SNX29: variants seen among roughly 807,000 people sequenced by gnomAD.
The protein encoded by SNX29 is sorting nexin-29.
In SNX29, 78 loss-of-function variants were observed where a neutral mutation model predicts 102.1. The ratio of observed to expected loss-of-function variants is 0.76; its 90% CI spans 0.64 to 0.92. The LOEUF is 0.92. Ranked by LOEUF, SNX29 falls within the 40% of genes least tolerant of loss-of-function variation. The pLI is 0.00. For missense variants in SNX29, 1,280 were observed against 1,061.7 expected (o/e 1.21, Z -2.86); for synonymous variants, 580 against 414.5 (o/e 1.40, Z -4.85).
intron 15 of SNX29, among the ~76,000 whole-genome samples, chr16:12,332,814 C>T (rs548554812): frequency 2.6e-5 from 4 of 152,112 alleles, no homozygotes; most frequent in East Asian, 1.9e-4. Flanking sequence ...CCTGTCTGCT[C>T]CTCTTTCATT....
At chr16:12,522,441 T>G (rs2090136911) in intron 19 of SNX29, among the ~76,000 whole-genome samples, 1 of 152,156 alleles carries the variant, frequency 6.6e-6, no homozygotes, top group Non-Finnish European at 1.5e-5. Context: ...TTGTTTTTAT[T>G]TTTTAGAGGC....
intron 14 of SNX29, among the ~76,000 whole-genome samples, chr16:12,202,999 G>C (rs1294503739): frequency 6.6e-6 from 1 of 152,210 alleles, no homozygotes; most frequent in Non-Finnish European, 1.5e-5. Context: ...AGGTGGACTG[G>C]TGGCATTGGA....
intron 15 of SNX29, among the ~76,000 whole-genome samples, chr16:12,280,120 G>A (rs987792987): frequency 1.3e-5 from 2 of 152,140 alleles, no homozygotes; most frequent in Admixed American, 6.5e-5. Flanking sequence ...TTCGTGGGCC[G>A]GGTGGTTGGA....
chr16:12,300,846 A>C (rs1319019032), intron 15 of SNX29, among the ~76,000 whole-genome samples: 1 of 152,090 alleles, frequency 6.6e-6, no homozygotes, highest in African/African-American at 2.4e-5. Context: ...CACTAGCCTT[A>C]CCTACTAGAT....
At chr16:12,065,713 T>G (rs2051002920) in intron 9 of SNX29, among the ~76,000 whole-genome samples, 1 of 152,148 alleles carries the variant, frequency 6.6e-6, no homozygotes, top group Non-Finnish European at 1.5e-5. Context: ...GCCCTGGTTG[T>G]GCTTCCCAGT....
intron 17 of SNX29, among the ~76,000 whole-genome samples, chr16:12,400,571 C>T (rs997511715): frequency 3.3e-5 from 5 of 152,194 alleles, no homozygotes; most frequent in Non-Finnish European, 7.3e-5. Flanking sequence ...AAAGCCTGGC[C>T]GAAACATTGC....
chr16:12,567,989 G>A (rs550862957), intron 20 of SNX29, among the ~76,000 whole-genome samples: 119 of 152,192 alleles, frequency 7.8e-4, no homozygotes, highest in African/African-American at 2.7e-3. Context: ...CACTGTTCCT[G>A]GCTCTTAAAC....
At chr16:12,379,966 C>G (rs185665994) in intron 16 of SNX29, among the ~76,000 whole-genome samples, 1 of 152,186 alleles carries the variant, frequency 6.6e-6, no homozygotes, top group Admixed American at 6.5e-5. Context: ...TGCTAGGCTT[C>G]AGTATTGAAT....
intron 20 of SNX29, among the ~76,000 whole-genome samples, chr16:12,540,865 C>T (rs1449290528): frequency 6.6e-6 from 1 of 152,174 alleles, no homozygotes; most frequent in African/African-American, 2.4e-5. Context: ...AGCAGGAGTG[C>T]CCTTTTCCAC....
chr16:12,016,709 G>C (rs903588982), intron 3 of SNX29, among the ~76,000 whole-genome samples: 1 of 152,130 alleles, frequency 6.6e-6, no homozygotes, highest in African/African-American at 2.4e-5. Context: ...TTGGCCATCT[G>C]CATATCCCTT....
At chr16:12,342,947 A>G (rs907785799) in intron 15 of SNX29, among the ~76,000 whole-genome samples, 1 of 152,200 alleles carries the variant, frequency 6.6e-6, no homozygotes, top group African/African-American at 2.4e-5. Context: ...TACCTGAAGG[A>G]GGCTCTTGGC....
At chr16:12,051,491 C>T (rs918244482) in intron 7 of SNX29, among the ~76,000 whole-genome samples, 1 of 152,198 alleles carries the variant, frequency 6.6e-6, no homozygotes, top group African/African-American at 2.4e-5. Flanking sequence ...GACTACACCC[C>T]CCAGCTGGTT....
chr16:12,170,471 G>T (rs182833984), intron 13 of SNX29, among the ~76,000 whole-genome samples: 3 of 151,920 alleles, frequency 2.0e-5, no homozygotes, highest in Non-Finnish European at 4.4e-5. Flanking sequence ...TGGGGGAGGC[G>T]TGTGGATGGG....
At chr16:12,562,717 G>A (rs936331709) in intron 20 of SNX29, among the ~76,000 whole-genome samples, 1 of 152,160 alleles carries the variant, frequency 6.6e-6, no homozygotes, top group African/African-American at 2.4e-5. Flanking sequence ...AGCCTACCGT[G>A]GTACTGTTTC....
chr16:12,537,481 T>C (rs1481338427), intron 20 of SNX29, among the ~76,000 whole-genome samples: 2 of 117,642 alleles, frequency 1.7e-5, no homozygotes, highest in Non-Finnish European at 4.2e-5. Flanking sequence ...TCTATAAAAT[T>C]GGTGATAGTG....
intron 16 of SNX29, 105 bp from the exon 17 acceptor site, chr16:12,398,341 G>C (rs1428125206): frequency 2.4e-6 from 3 of 1,241,588 alleles, no homozygotes; most frequent in Non-Finnish European, 3.5e-6. Flanking sequence ...ATTCTGAATA[G>C]GAAATGTTCA....
chr16:12,503,928 C>G (rs771786456), intron 19 of SNX29, among the ~76,000 whole-genome samples: 2 of 152,148 alleles, frequency 1.3e-5, no homozygotes, highest in Non-Finnish European at 2.9e-5. Context: ...ACGATTTAAC[C>G]ATTTAAAATG....
chr16:12,074,426 T>C (rs542518798), intron 10 of SNX29, among the ~76,000 whole-genome samples: 2 of 152,126 alleles, frequency 1.3e-5, no homozygotes, highest in East Asian at 3.8e-4. Context: ...CCTTCACTTA[T>C]GAAGCTTAGT....
chr16:12,572,803 C>T lies in SNX29; in HGVS notation c.*4174C>T, dbSNP rs1455907901. On this transcript the variant is annotated 3_prime_UTR_variant, in exon 21 of 21. Coordinates refer to ENST00000566228, the MANE Select transcript of SNX29 (RefSeq NM_032167.5). Reference sequence around the variant, plus strand: ...CCTCACTCCTCCTTCCCCAGTACATCAGACTGGTTAGGAGGCATCCCAGAA... The same window carrying T: ...CCTCACTCCTCCTTCCCCAGTACATTAGACTGGTTAGGAGGCATCCCAGAA... The T allele has an allele frequency of 3.8e-6, 4 of 1,063,752 alleles. No individual in the cohort carries two copies. The African/African-American group carries it at 4.9e-5, about 13-fold the overall frequency. The allele number at this position is 1,063,752 out of a possible 1,614,324, so 65.9% of individuals were successfully genotyped here.
Sources: allele counts gnomAD v4.1 joint callset (sites outside exome capture counted in the v4.1 genomes callset), GRCh38; gene constraint gnomAD v4.1.1; transcripts MANE v1.5; gene names NCBI Gene and HGNC (gene_info 2026-07-23, HGNC 2026-07-21).